The following CCDC171 variants were observed in gnomAD, a reference collection of about 807,000 sequenced individuals.
The protein encoded by CCDC171 is coiled-coil domain-containing protein 171.
CCDC171 carries 177 observed loss-of-function variants against 168.2 expected under a neutral mutation model. The ratio of observed to expected loss-of-function variants is 1.05; its 90% CI spans 0.93 to 1.19. CCDC171 has a LOEUF of 1.19. CCDC171 is among the 50% of genes most tolerant of loss of function. The probability of loss-of-function intolerance (pLI) is 0.00; values close to 1 mark genes in which losing one functional copy is unlikely to be tolerated. For missense variants in CCDC171, 1,991 were observed against 1,539.0 expected, an observed-to-expected ratio of 1.29 and a Z score of -4.91; for synonymous variants, 687 against 540.8, an observed-to-expected ratio of 1.27 and a Z score of -3.75.
At chr9:16,064,992 G>C (rs1036838945), downstream of CCDC171, among the ~76,000 whole-genome samples, 4 of 152,144 alleles carry the variant, frequency 2.6e-5, no homozygotes, top group African/African-American at 9.7e-5. Flanking sequence ...CATCCCTTAA[G>C]TGCATTTGTA....
chr9:15,851,192 C>A (rs1309643943), intron 23 of CCDC171, among the ~76,000 whole-genome samples: 1 of 151,874 alleles, frequency 6.6e-6, no homozygotes, highest in Non-Finnish European at 1.5e-5. Context: ...CAACATATTT[C>A]ATTCAACTTT....
chr9:15,750,593 C>T (rs540518789), intron 18 of CCDC171, among the ~76,000 whole-genome samples: 2 of 152,256 alleles, frequency 1.3e-5, no homozygotes, highest in East Asian at 1.9e-4. Flanking sequence ...CCGAATCCAG[C>T]AGCACATCAA....
chr9:16,083,390 C>G, the CCDC171 span, among the ~76,000 whole-genome samples: 543 of 152,282 alleles, frequency 3.6e-3, 2 homozygotes, highest in African/African-American at 0.012. Context: ...GGGTTCTACT[C>G]TCTTTCTACC....
At chr9:15,659,671 C>T (rs2048178032) in intron 8 of CCDC171, among the ~76,000 whole-genome samples, 2 of 152,080 alleles carry the variant, frequency 1.3e-5, no homozygotes, top group South Asian at 4.1e-4. Context: ...TAGTTTTAAG[C>T]TTATTTGGCT....
intron 5 of CCDC171, among the ~76,000 whole-genome samples, chr9:15,592,025 T>C (rs2042041362): frequency 6.6e-6 from 1 of 152,170 alleles, no homozygotes; most frequent in African/African-American, 2.4e-5. Context: ...GTGAGCTATT[T>C]ATTCCCTCAT....
intron 23 of CCDC171, among the ~76,000 whole-genome samples, chr9:15,851,327 T>G (rs2061118241): frequency 6.6e-6 from 1 of 151,870 alleles, no homozygotes; most frequent in African/African-American, 2.4e-5. Flanking sequence ...ATATAGTTTT[T>G]TTTCAAAGAA....
chr9:15,818,877 G>A (rs1274294058), intron 21 of CCDC171, among the ~76,000 whole-genome samples: 3 of 116,570 alleles, frequency 2.6e-5, no homozygotes, highest in Non-Finnish European at 3.8e-5. Flanking sequence ...GAGCAACTCT[G>A]AGACACATAA....
At chr9:15,569,304 C>T (rs1161420969) in intron 2 of CCDC171, among the ~76,000 whole-genome samples, 1 of 152,156 alleles carries the variant, frequency 6.6e-6, no homozygotes, top group Admixed American at 6.5e-5. Context: ...TCAGCTCTGC[C>T]TCTCCCTCAC....
chr9:15,997,190 CAGAG>C (rs1832401753), intron 3 of CCDC171, among the ~76,000 whole-genome samples: 1 of 152,216 alleles, frequency 6.6e-6, no homozygotes, highest in Non-Finnish European at 1.5e-5. Context: ...AAGGAGTGGA[CAGAG>C]AGAGAGACTC....
At chr9:15,883,576 T>C (rs545808102) in intron 24 of CCDC171, among the ~76,000 whole-genome samples, 97 of 152,340 alleles carry the variant, frequency 6.4e-4, no homozygotes, top group Admixed American at 1.5e-3. Context: ...TCTTGTTTTT[T>C]CTTGTTGAGA....
At chr9:15,793,160 C>A (rs1191853291) in intron 21 of CCDC171, among the ~76,000 whole-genome samples, 1 of 151,984 alleles carries the variant, frequency 6.6e-6, no homozygotes, top group East Asian at 1.9e-4. Context: ...CAAAAAAAGG[C>A]AGGGGTTGCA....
downstream of CCDC171, among the ~76,000 whole-genome samples, chr9:15,977,164 A>G (rs1420150555): frequency 6.6e-6 from 1 of 152,206 alleles, no homozygotes; most frequent in Non-Finnish European, 1.5e-5. Context: ...GTGTTGATTG[A>G]CATATCCAGA....
intron 9 of CCDC171, among the ~76,000 whole-genome samples, chr9:15,669,952 TAA>T (rs34465887): frequency 0.18 from 20,302 of 112,476 alleles, 1,623 homozygotes; most frequent in Middle Eastern, 0.25. Flanking sequence ...GCTGAAGTCT[TAA>T]AAAAAAAAAA....
rs765395925 is a variant in CCDC171, at chr9:15,744,341, G to C, written c.2118G>C (p.Leu706Phe). The C allele has an allele frequency of 6.2e-7, 1 of 1,613,674 alleles. No individual in the cohort carries two copies. Among genetic ancestry groups the C allele is most frequent in the Non-Finnish European group, 8.5e-7 (1 of 1,179,766 alleles). Residue 706 changes from leucine to phenylalanine, a missense_variant, in exon 17 of 26, where the codon TTG (leucine) becomes TTC (phenylalanine). Transcript: ENST00000380701. ...LNHIEKSHEQ[L>F]VLENSHFKKL... ...ATATTGAGAAGTCACATGAACAGTTGGTTCTTGAAAATTCGCACTTCAAAA... is the reference window on the plus strand; with the variant it reads ...ATATTGAGAAGTCACATGAACAGTTCGTTCTTGAAAATTCGCACTTCAAAA...
chr9:16,017,583 T>A (rs1435338470), intron 3 of CCDC171, among the ~76,000 whole-genome samples: 3 of 152,292 alleles, frequency 2.0e-5, no homozygotes, highest in African/African-American at 7.2e-5. Context: ...ACCTCATCAC[T>A]TACCAAAAAG....
At chr9:15,597,719 G>A (rs1451519114) in intron 6 of CCDC171, among the ~76,000 whole-genome samples, 1 of 152,172 alleles carries the variant, frequency 6.6e-6, no homozygotes, top group Non-Finnish European at 1.5e-5. Flanking sequence ...CAGAAGGAAT[G>A]GTACCAGCTC....
At chr9:15,771,017 C>A (rs1024199526) in intron 18 of CCDC171, among the ~76,000 whole-genome samples, 5 of 152,070 alleles carry the variant, frequency 3.3e-5, no homozygotes, top group African/African-American at 1.2e-4. Context: ...TTTTTAATAT[C>A]AATAAAATAA....
intron 16 of CCDC171, among the ~76,000 whole-genome samples, chr9:15,735,638 G>A (rs2134435442): frequency 6.6e-6 from 1 of 152,262 alleles, no homozygotes; most frequent in Admixed American, 6.5e-5. Context: ...AGGAATCCAG[G>A]TGAGTCATAA....
intron 4 of CCDC171, among the ~76,000 whole-genome samples, chr9:15,585,749 G>T (rs550353569): frequency 6.6e-6 from 1 of 152,022 alleles, no homozygotes; most frequent in Non-Finnish European, 1.5e-5. Flanking sequence ...AGGTGGAGGC[G>T]GGTGGATCGC....
Sources: gnomAD v4.1 joint callset for allele counts (sites outside exome capture counted in the v4.1 genomes callset) on GRCh38, gnomAD v4.1.1 for gene constraint, MANE v1.5 for transcripts, NCBI Gene and HGNC (gene_info 2026-07-23, HGNC 2026-07-21) for gene names.